AGBL1: variants seen among roughly 807,000 people sequenced by gnomAD.
The protein encoded by AGBL1 is AGBL carboxypeptidase 1.
A neutral mutation model predicts 118.9 loss-of-function variants in AGBL1; 130 were observed. The ratio of observed to expected loss-of-function variants is 1.09; its 90% CI spans 0.95 to 1.26. AGBL1 has a LOEUF of 1.26. AGBL1 is among the 50% of genes most tolerant of loss of function. AGBL1 has a pLI of 0.00. For synonymous variants in AGBL1, 555 were observed against 478.9 expected (o/e 1.16, Z -2.08); for missense variants, 1,584 against 1,298.1 (o/e 1.22, Z -3.38).
Position 86,188,476 on chromosome 15 carries a change from C to A in AGBL1, c.488+29450C>A, listed in dbSNP as rs79658326. ...TTTGCTCATCTATCTACAGACTTGGCAGACGTAACTAATATAGATTTTAAC... is the reference window on the plus strand; with the variant it reads ...TTTGCTCATCTATCTACAGACTTGGAAGACGTAACTAATATAGATTTTAAC... On this transcript the variant is annotated intron_variant, in intron 5 of 22. Transcript: ENST00000614907. Among the ~76,000 whole-genome samples the A allele has an allele frequency of 7.9e-3, 1,210 of 152,272 alleles. 11 individuals carry two copies. The highest frequency in any genetic ancestry group is 0.014 in the Middle Eastern group (4 of 294).
chr15:86,667,267 T>TATCTATCTATC (rs1382465745), intron 21 of AGBL1, among the ~76,000 whole-genome samples: 11 of 151,916 alleles, frequency 7.2e-5, no homozygotes, highest in African/African-American at 2.7e-4. Flanking sequence ...TCTATCTATC[T>TATCTATCTATC]ATCTGTCTAT....
intron 21 of AGBL1, among the ~76,000 whole-genome samples, chr15:86,578,728 G>T (rs769544620): frequency 6.7e-6 from 1 of 148,454 alleles, no homozygotes; most frequent in African/African-American, 2.5e-5. Context: ...TTATAAGGGG[G>T]TGTCCCTACA....
intron 24 of AGBL1, among the ~76,000 whole-genome samples, chr15:87,013,050 G>A (rs1429712800): frequency 6.6e-6 from 1 of 152,108 alleles, no homozygotes; most frequent in Admixed American, 6.6e-5. Flanking sequence ...ATACTGTTAA[G>A]TATTTTCTTG....
At chr15:86,529,646 C>T (rs1349644817) in intron 19 of AGBL1, among the ~76,000 whole-genome samples, 5 of 139,302 alleles carry the variant, frequency 3.6e-5, no homozygotes, top group Admixed American at 3.4e-4. Context: ...AACTCCAAGA[C>T]ACATAATTGT....
intron 18 of AGBL1, among the ~76,000 whole-genome samples, chr15:86,412,089 A>G (rs1027279117): frequency 2.0e-5 from 3 of 152,206 alleles, no homozygotes; most frequent in African/African-American, 7.2e-5. Flanking sequence ...AGCATTTAGC[A>G]TGTTAAGTTT....
At chr15:86,951,222 G>A (rs1023317389) in intron 23 of AGBL1, among the ~76,000 whole-genome samples, 1 of 152,166 alleles carries the variant, frequency 6.6e-6, no homozygotes, top group African/African-American at 2.4e-5. Context: ...GTGAGGATAA[G>A]AAGCTAGTGG....
At chr15:86,081,913 G>T (rs920433121) in intron 1 of AGBL1, among the ~76,000 whole-genome samples, 1 of 152,208 alleles carries the variant, frequency 6.6e-6, no homozygotes, top group Non-Finnish European at 1.5e-5. Context: ...GATAATTGAT[G>T]TTTAGCATGA....
At chr15:86,484,532 G>C (rs1339109666) in intron 18 of AGBL1, among the ~76,000 whole-genome samples, 1 of 152,090 alleles carries the variant, frequency 6.6e-6, no homozygotes, top group African/African-American at 2.4e-5. Context: ...ACCCTCTTGA[G>C]CCCAAAGGTA....
chr15:86,761,709 T>C (rs748124350), intron 22 of AGBL1, among the ~76,000 whole-genome samples: 5 of 152,158 alleles, frequency 3.3e-5, no homozygotes, highest in African/African-American at 4.8e-5. Context: ...TTGCTTAAGT[T>C]CCTTGTAGAT....
intron 17 of AGBL1, among the ~76,000 whole-genome samples, chr15:86,375,309 C>G (rs182992094): frequency 6.6e-6 from 1 of 152,060 alleles, no homozygotes; most frequent in South Asian, 2.1e-4. Context: ...CTTCACAAGT[C>G]GGCAGGAAAG....
intron 5 of AGBL1, among the ~76,000 whole-genome samples, chr15:86,196,258 G>T (rs1438296407): frequency 2.6e-5 from 4 of 152,052 alleles, no homozygotes; most frequent in African/African-American, 9.7e-5. Flanking sequence ...CGTCAGGGTT[G>T]GTTGATTCAG....
chr15:86,194,200 C>T (rs1175068256), intron 5 of AGBL1, among the ~76,000 whole-genome samples: 1 of 152,232 alleles, frequency 6.6e-6, no homozygotes, highest in Non-Finnish European at 1.5e-5. Context: ...CATCGTTTGG[C>T]TGGGCTGCTC....
chr15:86,365,504 A>G (rs1044839656), intron 17 of AGBL1, among the ~76,000 whole-genome samples: 1 of 152,182 alleles, frequency 6.6e-6, no homozygotes, highest in African/African-American at 2.4e-5. Context: ...GGAAAAATAA[A>G]TTGAAATTTA....
intron 21 of AGBL1, among the ~76,000 whole-genome samples, chr15:86,623,690 A>G (rs1456126832): frequency 2.6e-5 from 4 of 152,216 alleles, no homozygotes; most frequent in Non-Finnish European, 4.4e-5. Context: ...CAGTTCCTCC[A>G]GCACAAATGA....
intron 18 of AGBL1, among the ~76,000 whole-genome samples, chr15:86,471,763 T>A (rs918946079): frequency 3.3e-5 from 5 of 152,158 alleles, no homozygotes; most frequent in African/African-American, 1.2e-4. Flanking sequence ...GAAATTCTAT[T>A]TTTAAAACTG....
intron 1 of AGBL1, among the ~76,000 whole-genome samples, chr15:86,124,738 G>C (rs1207565196): frequency 6.6e-6 from 1 of 152,102 alleles, no homozygotes; most frequent in South Asian, 2.1e-4. Flanking sequence ...AAGAGTAAAT[G>C]GTTAGAGTAG....
At chr15:86,542,901 CT>C (rs2083524692) in intron 19 of AGBL1, among the ~76,000 whole-genome samples, 1 of 152,162 alleles carries the variant, frequency 6.6e-6, no homozygotes, top group African/African-American at 2.4e-5. Context: ...TTCAACCTAT[CT>C]GTGTCTTTTT....
intron 22 of AGBL1, among the ~76,000 whole-genome samples, chr15:86,774,979 A>AC (rs2078234172): frequency 6.6e-6 from 1 of 152,164 alleles, no homozygotes; most frequent in Non-Finnish European, 1.5e-5. Context: ...TCATGTTTGT[A>AC]CTTTGGGAAA....
intron 6 of AGBL1, among the ~76,000 whole-genome samples, chr15:86,244,866 C>G (rs1413497975): frequency 1.3e-5 from 2 of 152,098 alleles, no homozygotes; most frequent in African/African-American, 4.8e-5. Context: ...TTCTTTTAAA[C>G]ATCAGATATT....
Sources: gnomAD v4.1 joint callset for allele counts (sites outside exome capture counted in the v4.1 genomes callset) on GRCh38, gnomAD v4.1.1 for gene constraint, MANE v1.5 for transcripts, NCBI Gene and HGNC (gene_info 2026-07-23, HGNC 2026-07-21) for gene names.